TUSC3: variants seen among roughly 807,000 people sequenced by gnomAD.
The protein encoded by TUSC3 is tumor suppressor candidate 3.
A neutral mutation model predicts 44.8 loss-of-function variants in TUSC3; 45 were observed. That is an observed-to-expected ratio of 1.00 (90% CI 0.79 to 1.29). The LOEUF (loss-of-function observed/expected upper bound fraction) is 1.29, where lower values mean the gene tolerates loss of function less well. Ranked by LOEUF, TUSC3 falls within the 50% of genes most tolerant of loss-of-function variation. TUSC3 has a pLI of 0.00. For synonymous variants in TUSC3, 212 were observed against 152.9 expected, an observed-to-expected ratio of 1.39 and a Z score of -2.85; for missense variants, 519 against 437.9, an observed-to-expected ratio of 1.19 and a Z score of -1.65.
At chr8:15,654,035 C>T (rs1807037642) in intron 3 of TUSC3, among the ~76,000 whole-genome samples, 1 of 152,114 alleles carries the variant, frequency 6.6e-6, no homozygotes, top group South Asian at 2.1e-4. Flanking sequence ...AGCTCTCATC[C>T]AGGAAACAGG....
At chr8:15,812,845 C>T in the TUSC3 span, among the ~76,000 whole-genome samples, 1 of 152,032 alleles carries the variant, frequency 6.6e-6, no homozygotes, top group Non-Finnish European at 1.5e-5. Context: ...CCTGTAATCC[C>T]AGCACTTTGG....
chr8:15,449,269 T>C (rs571942622), intron 1 of TUSC3, among the ~76,000 whole-genome samples: 4 of 152,252 alleles, frequency 2.6e-5, no homozygotes, highest in East Asian at 3.9e-4. Context: ...AAAGAAGGAA[T>C]GGGCACATGT....
chr8:15,533,902 T>C (rs995594040), intron 2 of TUSC3, among the ~76,000 whole-genome samples: 2 of 152,162 alleles, frequency 1.3e-5, no homozygotes, highest in African/African-American at 4.8e-5. Context: ...GAGGGGTTTA[T>C]CTCATGGTTG....
intron 1 of TUSC3, among the ~76,000 whole-genome samples, chr8:15,613,385 G>C (rs903252201): frequency 6.6e-6 from 1 of 152,124 alleles, no homozygotes. Context: ...GTTAGATCAT[G>C]ACCTGAAGAA....
the TUSC3 span, among the ~76,000 whole-genome samples, chr8:15,843,524 GGT>G: frequency 6.6e-6 from 1 of 150,752 alleles, no homozygotes; most frequent in Non-Finnish European, 1.5e-5. Context: ...TAAAGTTGAT[GGT>G]AGAATTTTCT....
At chr8:15,847,084 A>G in the TUSC3 span, among the ~76,000 whole-genome samples, 19 of 152,198 alleles carry the variant, frequency 1.2e-4, no homozygotes, top group African/African-American at 4.3e-4. Context: ...GAAATTAGAT[A>G]TATCCGCAGT....
At chr8:15,617,423 C>T (rs970126077) in intron 1 of TUSC3, among the ~76,000 whole-genome samples, 5 of 152,042 alleles carry the variant, frequency 3.3e-5, no homozygotes, top group Non-Finnish European at 5.9e-5. Context: ...CAGGCGTGAG[C>T]CACCGCGCCT....
At chr8:15,800,018 A>T in the TUSC3 span, among the ~76,000 whole-genome samples, 1 of 152,114 alleles carries the variant, frequency 6.6e-6, no homozygotes, top group East Asian at 1.9e-4. Context: ...TGGGAACCCC[A>T]ATTGTTTATA....
chr8:15,492,534 G>A (rs956919106), intron 2 of TUSC3, among the ~76,000 whole-genome samples: 1 of 152,080 alleles, frequency 6.6e-6, no homozygotes, highest in Non-Finnish European at 1.5e-5. Context: ...GACTTGAGGT[G>A]GTAAGAGACC....
chr8:15,638,174 C>T (rs552305746), intron 2 of TUSC3, among the ~76,000 whole-genome samples: 24 of 152,210 alleles, frequency 1.6e-4, no homozygotes, highest in South Asian at 1.5e-3. Context: ...CGCCGCCCCC[C>T]GTATTTCGCC....
chr8:15,710,571 T>G (rs1809799551), intron 6 of TUSC3, among the ~76,000 whole-genome samples: 1 of 151,854 alleles, frequency 6.6e-6, no homozygotes, highest in South Asian at 2.1e-4. Context: ...CTTGTTTACC[T>G]CTCCACTGTC....
At chr8:15,465,095 G>T (rs978757237) in intron 1 of TUSC3, among the ~76,000 whole-genome samples, 2 of 152,118 alleles carry the variant, frequency 1.3e-5, no homozygotes, top group Non-Finnish European at 2.9e-5. Flanking sequence ...TGATCCACCT[G>T]CCTTGGCTCC....
At chr8:15,627,848 G>A (rs562258262) in intron 2 of TUSC3, among the ~76,000 whole-genome samples, 28 of 152,316 alleles carry the variant, frequency 1.8e-4, no homozygotes, top group South Asian at 1.0e-3. Flanking sequence ...CTGGTGTACC[G>A]TTGGCAGGCA....
chr8:15,419,533 A>C (rs1233371925), intron 1 of TUSC3, among the ~76,000 whole-genome samples: 1 of 152,236 alleles, frequency 6.6e-6, no homozygotes, highest in East Asian at 1.9e-4. Context: ...AGTTTAAGAA[A>C]AACAGCAATA....
chr8:15,798,015 G>A, the TUSC3 span, among the ~76,000 whole-genome samples: 1 of 152,058 alleles, frequency 6.6e-6, no homozygotes, highest in Non-Finnish European at 1.5e-5. Context: ...CTTTCCCTAA[G>A]ATGCTATACT....
chr8:15,665,614 T>A (rs531092309), intron 5 of TUSC3, among the ~76,000 whole-genome samples: 37 of 151,262 alleles, frequency 2.4e-4, no homozygotes, highest in Non-Finnish European at 5.0e-4. Context: ...CATAGGAAAT[T>A]AGTATATGTA....
At chr8:15,748,868 T>C (rs2129218030) in intron 9 of TUSC3, 2 of 398,716 alleles carry the variant, frequency 5.0e-6, no homozygotes, top group South Asian at 3.7e-5. Flanking sequence ...ATTTTAACTT[T>C]TCAAAATAAG....
chr8:15,598,516 A>G (rs978667687), intron 1 of TUSC3, among the ~76,000 whole-genome samples: 4 of 151,708 alleles, frequency 2.6e-5, no homozygotes, highest in Non-Finnish European at 4.4e-5. Flanking sequence ...TTGGTGTTGT[A>G]TATTCTGTGG....
chr8:15,584,994 GA>G (rs1181404976), intron 1 of TUSC3, among the ~76,000 whole-genome samples: 2 of 152,068 alleles, frequency 1.3e-5, no homozygotes, highest in African/African-American at 4.8e-5. Flanking sequence ...TTATTAAAAA[GA>G]TAACCTTTAC....
Sources: gnomAD v4.1 joint callset for allele counts (sites outside exome capture counted in the v4.1 genomes callset) on GRCh38, gnomAD v4.1.1 for gene constraint, MANE v1.5 for transcripts, NCBI Gene and HGNC (gene_info 2026-07-23, HGNC 2026-07-21) for gene names.